SUGCT: variants seen among roughly 807,000 people sequenced by gnomAD.
The protein encoded by SUGCT is succinyl-CoA:glutarate CoA-transferase.
A neutral mutation model predicts 55.0 loss-of-function variants in SUGCT; 41 were observed. That is an observed-to-expected ratio of 0.74 (90% confidence interval 0.58 to 0.97). SUGCT has a LOEUF of 0.97. Ranked by LOEUF, SUGCT falls within the 50% of genes least tolerant of loss-of-function variation. The pLI, the probability that SUGCT is intolerant of heterozygous loss-of-function variation, is 0.00. For synonymous variants in SUGCT, 187 were observed against 200.4 expected, an observed-to-expected ratio of 0.93 and a Z score of 0.56; for missense variants, 568 against 547.8, an observed-to-expected ratio of 1.04 and a Z score of -0.37.
At chr7:40,887,724 T>C in the SUGCT span, among the ~76,000 whole-genome samples, 1 of 152,014 alleles carries the variant, frequency 6.6e-6, no homozygotes, top group Non-Finnish European at 1.5e-5. Flanking sequence ...GAGACAAAGG[T>C]GGGAGGGCTG....
chr7:40,316,955 G>GTTTTTTTTTTTTTT lies in SUGCT; in HGVS notation c.816+105_816+118dup, dbSNP rs56989808. The stretch of plus-strand genomic sequence containing the variant: ...CTTTTTATACACAAATCCTTCAGCT[G>GTTTTTTTTTTTTTT]TTTTTTTTTTTTTTTTTTGTAATGT... On this transcript the variant is annotated intron_variant, in intron 9 of 13. Coordinates refer to ENST00000335693, the MANE Select transcript of SUGCT (RefSeq NM_001193313.2). 57 of 189,424 alleles carry GTTTTTTTTTTTTTT rather than the reference G, an allele frequency of 3.0e-4. 4 individuals are homozygous for GTTTTTTTTTTTTTT. The highest frequency in any genetic ancestry group is 4.9e-4 in the East Asian group (6 of 12,124). 11.7% of individuals were successfully genotyped at this position (189,424 alleles called of 1,614,324 possible).
the SUGCT span, among the ~76,000 whole-genome samples, chr7:40,894,315 C>T: frequency 6.6e-6 from 1 of 152,082 alleles, no homozygotes; most frequent in East Asian, 1.9e-4. Flanking sequence ...CAAAATTCAA[C>T]TCAAGATGAA....
rs1787225733 is a variant in SUGCT at position 40,420,110 on chromosome 7, A to G, written c.817-29177A>G. 5.9e-5 allele frequency among the ~76,000 whole-genome samples: 9 copies of G among 152,100 alleles called. No homozygotes were observed. In the South Asian group the frequency reaches 1.9e-3, roughly 32 times the overall value. On this transcript the variant is annotated intron_variant, in intron 9 of 13. Coordinates refer to ENST00000335693, the MANE Select transcript of SUGCT (RefSeq NM_001193313.2). ...AGGCTGCTGTGTGAGTACCTGGGTGAGAGAGAAGAGGAGAACCTTCGGAGT... is the reference window on the plus strand; with the variant it reads ...AGGCTGCTGTGTGAGTACCTGGGTGGGAGAGAAGAGGAGAACCTTCGGAGT...
At chr7:41,017,696 T>C in the SUGCT span, among the ~76,000 whole-genome samples, 134,299 of 150,866 alleles carry the variant, frequency 0.89, 59,873 homozygotes, top group African/African-American at 0.94. Flanking sequence ...GCGTGAACCC[T>C]GGAGACAGAG....
intron 12 of SUGCT, among the ~76,000 whole-genome samples, chr7:40,661,161 C>G (rs1413954244): frequency 1.3e-5 from 2 of 152,192 alleles, no homozygotes; most frequent in Non-Finnish European, 2.9e-5. Flanking sequence ...CACACCTTCT[C>G]CAGTCTCTTC....
intron 12 of SUGCT, among the ~76,000 whole-genome samples, chr7:40,722,019 T>A (rs1228859520): frequency 1.3e-5 from 2 of 152,076 alleles, no homozygotes; most frequent in East Asian, 3.9e-4. Context: ...AGAAAACCTA[T>A]CCATTTAAAT....
intron 12 of SUGCT, among the ~76,000 whole-genome samples, chr7:40,522,065 A>C (rs1793559642): frequency 6.6e-6 from 1 of 152,124 alleles, no homozygotes; most frequent in South Asian, 2.1e-4. Context: ...ATTAGAGGGA[A>C]TTGGCAAGGT....
intron 13 of SUGCT, among the ~76,000 whole-genome samples, chr7:40,856,115 T>C (rs1010749236): frequency 1.3e-5 from 2 of 152,206 alleles, no homozygotes; most frequent in African/African-American, 4.8e-5. Flanking sequence ...ATCCGCTTGC[T>C]CTTATTCTCC....
chr7:40,760,454 A>G (rs1788476179), intron 13 of SUGCT, among the ~76,000 whole-genome samples: 1 of 152,042 alleles, frequency 6.6e-6, no homozygotes, highest in Non-Finnish European at 1.5e-5. Flanking sequence ...GGGTATGGCC[A>G]GTTAGTGTTT....
chr7:40,595,111 A>T (rs1584086263), intron 12 of SUGCT, among the ~76,000 whole-genome samples: 1 of 152,194 alleles, frequency 6.6e-6, no homozygotes, highest in Non-Finnish European at 1.5e-5. Context: ...TTTAAAAATT[A>T]CCCTGTGCTA....
At chr7:40,483,815 G>T (rs1791188400) in intron 11 of SUGCT, among the ~76,000 whole-genome samples, 2 of 152,156 alleles carry the variant, frequency 1.3e-5, no homozygotes, top group South Asian at 4.1e-4. Flanking sequence ...GATATACCAT[G>T]CTCCCTCTAT....
At chr7:40,178,206 C>T (rs1785019158) in intron 1 of SUGCT, among the ~76,000 whole-genome samples, 2 of 152,098 alleles carry the variant, frequency 1.3e-5, no homozygotes, top group Admixed American at 6.6e-5. Flanking sequence ...ATAAACATTT[C>T]CATTTCCTAC....
Position 40,487,250 on chromosome 7 carries a change from GTTTTTTTTTTT to G in SUGCT, c.987-9016_987-9006del, listed in dbSNP as rs1167865633. 5.0e-3 allele frequency among the ~76,000 whole-genome samples: 215 copies of G among 42,894 alleles called. 4 individuals are homozygous for G. In the South Asian group the frequency reaches 0.096, roughly 19 times the overall value. The allele number at this position is 42,894 out of a possible 152,430, so 28.1% of individuals were successfully genotyped here. ...CAGGCATGTGCCACCACACCCAGCT[GTTTTTTTTTTT>G]TTTTTTTTTTTTTTTTTGTATTTTT... On this transcript the variant is annotated intron_variant, in intron 11 of 13. Transcript: ENST00000335693.
At chr7:40,712,772 C>T (rs1205758355) in intron 12 of SUGCT, among the ~76,000 whole-genome samples, 1 of 152,168 alleles carries the variant, frequency 6.6e-6, no homozygotes, top group African/African-American at 2.4e-5. Context: ...ACATGCAGGC[C>T]TCACATCTCC....
intron 7 of SUGCT, among the ~76,000 whole-genome samples, chr7:40,255,795 GA>G (rs978115940): frequency 6.6e-6 from 1 of 151,258 alleles, no homozygotes; most frequent in African/African-American, 2.4e-5. Context: ...CACAGTCTAA[GA>G]AGGAGAGATT....
intron 12 of SUGCT, among the ~76,000 whole-genome samples, chr7:40,543,534 T>A (rs772991027): frequency 3.3e-5 from 5 of 152,238 alleles, no homozygotes; most frequent in African/African-American, 1.2e-4. Flanking sequence ...CAAAACCTTC[T>A]GTACCAATGA....
Position 40,188,566 on chromosome 7 carries a change from A to G in SUGCT, c.298A>G (p.Asn100Asp). Residue 100 changes from asparagine (N) to aspartate (D), a missense_variant, in exon 4 of 14, where the codon AAC becomes GAC. By Grantham distance (23) the Asn-to-Asp change is conservative. Transcript: ENST00000335693. ...AGAAAGTACATATTATCTCAGTGTT[A>G]ACCGAAATAAAAAAGTAAGAATATC... ...GTESTYYLSVNRNKKSIAVNI... is the reference protein window; with the variant it reads ...GTESTYYLSVDRNKKSIAVNI... The G allele has an allele frequency of 1.2e-6, 2 of 1,600,542 alleles. No homozygotes were observed. Among genetic ancestry groups the G allele is most frequent in the Non-Finnish European group, 1.7e-6 (2 of 1,175,828 alleles).
chr7:40,874,036 C>T, the SUGCT span, among the ~76,000 whole-genome samples: 1 of 140,468 alleles, frequency 7.1e-6, no homozygotes, highest in Admixed American at 7.2e-5. Context: ...GAACACCAAC[C>T]ACTGGCATAT....
At chr7:40,781,733 A>C (rs757528587) in intron 13 of SUGCT, among the ~76,000 whole-genome samples, 52 of 152,114 alleles carry the variant, frequency 3.4e-4, no homozygotes, top group Non-Finnish European at 6.2e-4. Flanking sequence ...AAAAATTGGC[A>C]AGTGTTTTCT....
Sources: allele counts gnomAD v4.1 joint callset (sites outside exome capture counted in the v4.1 genomes callset), GRCh38; gene constraint gnomAD v4.1.1; transcripts MANE v1.5; gene names NCBI Gene and HGNC (gene_info 2026-07-23, HGNC 2026-07-21).